GHR: variants seen among roughly 807,000 people sequenced by gnomAD.
GHR encodes growth hormone receptor.
GHR carries 35 observed loss-of-function variants against 67.1 expected under a neutral mutation model. That is an observed-to-expected ratio of 0.52 (90% confidence interval 0.40 to 0.69). The LOEUF is 0.69. Ranked by LOEUF, GHR falls within the 30% of genes least tolerant of loss-of-function variation. The pLI is 0.00. For synonymous variants in GHR, 272 were observed against 269.1 expected, an observed-to-expected ratio of 1.01 and a Z score of -0.10; for missense variants, 792 against 764.6, an observed-to-expected ratio of 1.04 and a Z score of -0.42.
At chr5:42,705,330 T>A (rs770077562) in intron 6 of GHR, among the ~76,000 whole-genome samples, 1 of 152,096 alleles carries the variant, frequency 6.6e-6, no homozygotes, top group Non-Finnish European at 1.5e-5. Context: ...TTAGAACGAC[T>A]TTTACTGCAT....
chr5:42,426,221 C>T (rs1314424984), intron 1 of GHR, among the ~76,000 whole-genome samples: 2 of 152,184 alleles, frequency 1.3e-5, no homozygotes, highest in African/African-American at 4.8e-5. Flanking sequence ...AATGGAGCCA[C>T]AGTTGCAGCG....
chr5:42,586,782 AC>A (rs1174615623), intron 2 of GHR, among the ~76,000 whole-genome samples: 1 of 152,176 alleles, frequency 6.6e-6, no homozygotes, highest in Admixed American at 6.5e-5. Context: ...GCCGTGAATT[AC>A]GTCTGAGCCA....
At chr5:42,699,372 C>G (rs926998607) in intron 5 of GHR, among the ~76,000 whole-genome samples, 4 of 152,192 alleles carry the variant, frequency 2.6e-5, no homozygotes, top group Admixed American at 6.5e-5. Context: ...AACAGGGTCT[C>G]TGCCCCCAGG....
chr5:42,710,519 G>A (rs114598592), intron 6 of GHR, among the ~76,000 whole-genome samples: 2,993 of 151,946 alleles, frequency 0.02, 100 homozygotes, highest in Non-Finnish European at 0.021. Flanking sequence ...AGAAGGTAAA[G>A]GAATATCCTG....
At chr5:42,487,051 G>A (rs1439020392) in intron 1 of GHR, among the ~76,000 whole-genome samples, 3 of 152,098 alleles carry the variant, frequency 2.0e-5, no homozygotes, top group Non-Finnish European at 4.4e-5. Flanking sequence ...CCATATCTCA[G>A]GCAAAGGTAC....
intron 2 of GHR, among the ~76,000 whole-genome samples, chr5:42,569,222 A>G (rs1166546197): frequency 2.0e-5 from 3 of 152,250 alleles, no homozygotes; most frequent in South Asian, 2.1e-4. Context: ...TGAGATGTCT[A>G]TGGACAACAA....
rs144007915 is a variant in GHR at position 42,680,763 on chromosome 5, C to A, written c.137-8127C>A. Reference sequence around the variant, plus strand: ...CAGGTAATCCACCCGCCTCAGCCTCCCAAAGTGCTGGAATTACAGGTGTGA... The same window carrying A: ...CAGGTAATCCACCCGCCTCAGCCTCACAAAGTGCTGGAATTACAGGTGTGA... On this transcript the variant is annotated intron_variant, in intron 3 of 9. Transcript: ENST00000230882. Among the ~76,000 whole-genome samples the A allele has an allele frequency of 7.8e-3, 1,185 of 152,222 alleles. 5 individuals carry two copies. The highest frequency in any genetic ancestry group is 0.021 in the South Asian group (99 of 4,820).
At chr5:42,683,339 T>A (rs1436927929) in intron 3 of GHR, among the ~76,000 whole-genome samples, 1 of 152,220 alleles carries the variant, frequency 6.6e-6, no homozygotes, top group East Asian at 1.9e-4. Flanking sequence ...CTCTACTTCT[T>A]GCTGAGTGTT....
At chr5:42,454,230 C>A (rs974658350) in intron 1 of GHR, among the ~76,000 whole-genome samples, 1 of 152,166 alleles carries the variant, frequency 6.6e-6, no homozygotes, top group Non-Finnish European at 1.5e-5. Flanking sequence ...CTGTGAGAAT[C>A]CCTGATTGTA....
intron 1 of GHR, among the ~76,000 whole-genome samples, chr5:42,524,185 A>T (rs558287039): frequency 6.6e-6 from 1 of 152,334 alleles, no homozygotes; most frequent in East Asian, 1.9e-4. Context: ...TCAGAAGAAG[A>T]CAGGAAAATG....
intron 1 of GHR, among the ~76,000 whole-genome samples, chr5:42,537,513 TGA>T (rs1311353991): frequency 6.6e-6 from 1 of 152,200 alleles, no homozygotes; most frequent in Non-Finnish European, 1.5e-5. Context: ...CAATGTGGTC[TGA>T]GAGAGTACTT....
chr5:42,467,670 A>G, intron 1 of GHR: 1 of 1,602,726 alleles, frequency 6.2e-7, no homozygotes, highest in Non-Finnish European at 8.5e-7. Context: ...TCTGATGCAC[A>G]TCGAGCTTTG....
In GHR at chr5:42,480,459, G is replaced by A. The variant is rs555295857; in HGVS notation, c.-12+56504G>A. Among the ~76,000 whole-genome samples, 200 of 152,184 alleles carry A rather than the reference G, an allele frequency of 1.3e-3. 1 individual carries two copies. Among genetic ancestry groups the A allele is most frequent in the Middle Eastern group, 3.4e-3 (1 of 294 alleles). On this transcript the variant is annotated intron_variant, in intron 1 of 9. Coordinates refer to ENST00000230882, the MANE Select transcript of GHR (RefSeq NM_000163.5). ...GGTATCCTTGTTAACTTTCTGTCTC[G>A]TTGATCTGTCTAATGTTGACATTGG...
chr5:42,565,911 G>T lies in GHR; in HGVS notation c.37G>T (p.Ala13Ser). 2 of 1,614,102 alleles carry T rather than the reference G, an allele frequency of 1.2e-6. No homozygotes were observed. Among genetic ancestry groups the T allele is most frequent in the East Asian group, 4.5e-5 (2 of 44,884 alleles). ...GCAGCTGCTGTTGACCTTGGCACTG[G>T]CAGGATCAAGTGATGCTTTTTCTGG... Reference protein sequence around the residue: ...LWQLLLTLALAGSSDAFSGSE... With the variant: ...LWQLLLTLALSGSSDAFSGSE... Residue 13 changes from alanine (A) to serine (S), a missense_variant, in exon 2 of 10, where the codon GCA becomes TCA. By Grantham distance (99) the Ala-to-Ser change is moderately conservative (BLOSUM62 1). Transcript: ENST00000230882.
intron 1 of GHR, among the ~76,000 whole-genome samples, chr5:42,530,139 A>C (rs1747901784): frequency 6.6e-6 from 1 of 151,446 alleles, no homozygotes; most frequent in Admixed American, 6.6e-5. Context: ...TTTTATAATG[A>C]TCACCATGAT....
At chr5:42,617,385 T>TACAC (rs10581858) in intron 2 of GHR, among the ~76,000 whole-genome samples, 116 of 149,258 alleles carry the variant, frequency 7.8e-4, no homozygotes, top group Admixed American at 2.1e-3. Flanking sequence ...AAGTTCATTT[T>TACAC]ACACACACAC....
chr5:42,661,778 C>T (rs1755641965), intron 3 of GHR, among the ~76,000 whole-genome samples: 1 of 152,224 alleles, frequency 6.6e-6, no homozygotes, highest in East Asian at 1.9e-4. Context: ...TGTAAATGGA[C>T]TAAATGCTCC....
At chr5:42,604,669 G>T (rs1312996430) in intron 2 of GHR, among the ~76,000 whole-genome samples, 1 of 150,238 alleles carries the variant, frequency 6.7e-6, no homozygotes, top group Non-Finnish European at 1.5e-5. Context: ...AGCTAAGGAA[G>T]TTATGAGCCA....
chr5:42,579,478 G>A (rs929183055), intron 2 of GHR, among the ~76,000 whole-genome samples: 1 of 152,196 alleles, frequency 6.6e-6, no homozygotes, highest in Non-Finnish European at 1.5e-5. Flanking sequence ...TGAGTTGTTA[G>A]CATGTGCTGC....
Sources: allele counts gnomAD v4.1 joint callset (sites outside exome capture counted in the v4.1 genomes callset), GRCh38; gene constraint gnomAD v4.1.1; transcripts MANE v1.5; gene names NCBI Gene and HGNC (gene_info 2026-07-23, HGNC 2026-07-21).